Variants in SNTB1 observed in about 807,000 individuals in gnomAD.
SNTB1 encodes beta-1-syntrophin.
In SNTB1, 36 loss-of-function variants were observed where a neutral mutation model predicts 48.9. That is an observed-to-expected ratio of 0.74 (90% CI 0.56 to 0.97). SNTB1 has a LOEUF of 0.97. SNTB1 is among the 50% of genes least tolerant of loss of function. SNTB1 has a pLI of 0.00. For missense variants in SNTB1, 786 were observed against 703.4 expected (o/e 1.12, Z -1.33); for synonymous variants, 299 against 294.6 (o/e 1.01, Z -0.15).
At chr8:120,680,700 A>T (rs576577662) in intron 2 of SNTB1, among the ~76,000 whole-genome samples, 8 of 152,350 alleles carry the variant, frequency 5.3e-5, no homozygotes, top group Non-Finnish European at 1.2e-4. Flanking sequence ...TTTCAGAGGC[A>T]TCATTATCTC....
At chr8:120,624,377 T>G (rs181701356) in intron 3 of SNTB1, among the ~76,000 whole-genome samples, 3 of 152,272 alleles carry the variant, frequency 2.0e-5, no homozygotes, top group East Asian at 1.9e-4. Flanking sequence ...CAAGAGAGCA[T>G]GCACATGAGA....
At chr8:120,753,120 T>C (rs954097774) in intron 1 of SNTB1, among the ~76,000 whole-genome samples, 1 of 151,956 alleles carries the variant, frequency 6.6e-6, no homozygotes, top group Non-Finnish European at 1.5e-5. Flanking sequence ...AACATCACAG[T>C]TGGGCCATCA....
chr8:120,563,636 C>G (rs1318140166), intron 4 of SNTB1, among the ~76,000 whole-genome samples: 2 of 152,064 alleles, frequency 1.3e-5, no homozygotes, highest in Non-Finnish European at 2.9e-5. Context: ...AAAGAAAAAT[C>G]CAAGCAAAGA....
intron 1 of SNTB1, among the ~76,000 whole-genome samples, chr8:120,708,456 C>T (rs898508268): frequency 9.2e-5 from 14 of 152,008 alleles, no homozygotes; most frequent in African/African-American, 2.9e-4. Context: ...AATTATTCCA[C>T]GAAGCTAATA....
At chr8:120,641,228 A>T (rs1817190888) in intron 2 of SNTB1, among the ~76,000 whole-genome samples, 1 of 152,206 alleles carries the variant, frequency 6.6e-6, no homozygotes, top group African/African-American at 2.4e-5. Context: ...ACAAACTAGG[A>T]TTCTCAAAAG....
chr8:120,711,193 T>A (rs1245061434), intron 1 of SNTB1, among the ~76,000 whole-genome samples: 2 of 152,216 alleles, frequency 1.3e-5, no homozygotes, highest in African/African-American at 4.8e-5. Flanking sequence ...CACTTCATGA[T>A]TCATTTTGTT....
chr8:120,748,870 G>T (rs1161866235), intron 1 of SNTB1, among the ~76,000 whole-genome samples: 1 of 152,144 alleles, frequency 6.6e-6, no homozygotes, highest in Non-Finnish European at 1.5e-5. Flanking sequence ...ACAGCTGTGG[G>T]ACTTCCAGTA....
intron 6 of SNTB1, among the ~76,000 whole-genome samples, chr8:120,540,775 C>T (rs560810016): frequency 2.6e-5 from 4 of 152,242 alleles, no homozygotes; most frequent in East Asian, 3.9e-4. Context: ...GTGTCAGCCA[C>T]GAGGAATGGC....
chr8:120,566,661 T>C (rs1815753721), intron 4 of SNTB1, among the ~76,000 whole-genome samples: 1 of 152,218 alleles, frequency 6.6e-6, no homozygotes, highest in Admixed American at 6.5e-5. Flanking sequence ...CTGTAGCCTG[T>C]GTCAGAAACA....
rs997177716 is a variant in SNTB1, at chr8:120,806,098, A to C, written c.571+5175T>G. Among the ~76,000 whole-genome samples the C allele has an allele frequency of 2.6e-5, 4 of 152,244 alleles. No individual in the cohort carries two copies. The South Asian group carries it at 6.2e-4, about 24-fold the overall frequency. On this transcript the variant is annotated intron_variant, in intron 1 of 6. Transcript: ENST00000517992. ...AGTTTGCAAAAGGTTAGGCACTACA[A>C]AGTGACGAGGCAGAATTAGCATTCT...
chr8:120,624,983 C>T (rs553003413), intron 3 of SNTB1, among the ~76,000 whole-genome samples: 25 of 152,316 alleles, frequency 1.6e-4, no homozygotes, highest in African/African-American at 6.0e-4. Context: ...GTCTCAAATC[C>T]TAGGCACAGT....
intron 2 of SNTB1, among the ~76,000 whole-genome samples, chr8:120,654,409 T>C (rs761306287): frequency 6.6e-6 from 1 of 152,194 alleles, no homozygotes; most frequent in Non-Finnish European, 1.5e-5. Flanking sequence ...AACTGACCAC[T>C]GCTTGATGAA....
chr8:120,811,145 C>CCA, intron 1 of SNTB1, 128 bp downstream of exon 1: 2 of 1,043,694 alleles, frequency 1.9e-6, no homozygotes, highest in South Asian at 2.0e-5. Context: ...CCCCCCCCAA[C>CCA]ACACACACAC....
intron 1 of SNTB1, among the ~76,000 whole-genome samples, chr8:120,775,097 T>C (rs1024154136): frequency 6.6e-6 from 1 of 152,188 alleles, no homozygotes; most frequent in African/African-American, 2.4e-5. Flanking sequence ...CATAACATAC[T>C]TGTCTAAAAC....
intron 2 of SNTB1, among the ~76,000 whole-genome samples, chr8:120,635,158 C>G (rs975328853): frequency 6.6e-5 from 10 of 152,152 alleles, no homozygotes; most frequent in Non-Finnish European, 1.3e-4. Flanking sequence ...TAGGTGACAA[C>G]TGTCCTCGCG....
At chr8:120,767,257 C>A (rs1161182343) in intron 1 of SNTB1, among the ~76,000 whole-genome samples, 1 of 151,984 alleles carries the variant, frequency 6.6e-6, no homozygotes, top group African/African-American at 2.4e-5. Context: ...CTTATGTTGA[C>A]CCTTAGTATT....
rs532501678 is a variant in SNTB1, at chr8:120,632,614, C to G, written c.826G>C (p.Val276Leu). The G allele has an allele frequency of 1.4e-5, 23 of 1,614,088 alleles. No homozygotes were observed. Among genetic ancestry groups the G allele is most frequent in the Non-Finnish European group, 1.9e-5 (23 of 1,180,022 alleles). ...EIHSPDAKHT[V>L]ILRSKDSATA... ...GCTGAGTCCTTGCTCCTTAGGATCA[C>G]CGTGTGCTTAGCATCTGGAGAGTGG... The change falls in exon 3 of 7, where the codon GTG becomes CTG. Residue 276 changes from valine to leucine, a missense_variant. Val to Leu is a conservative substitution (Grantham distance 32). Coordinates refer to ENST00000517992, the MANE Select transcript of SNTB1 (RefSeq NM_021021.4).
intron 2 of SNTB1, among the ~76,000 whole-genome samples, chr8:120,656,409 C>G (rs1442602957): frequency 6.6e-6 from 1 of 152,190 alleles, no homozygotes; most frequent in Non-Finnish European, 1.5e-5. Context: ...AGCACTTTGA[C>G]CTTTCCTGGG....
chr8:120,738,911 A>T (rs987565768), intron 1 of SNTB1, among the ~76,000 whole-genome samples: 4 of 152,190 alleles, frequency 2.6e-5, no homozygotes, highest in African/African-American at 9.6e-5. Context: ...TCCAATAAAC[A>T]GTCACTAAAA....
Sources: gnomAD v4.1 joint callset for allele counts (sites outside exome capture counted in the v4.1 genomes callset) on GRCh38, gnomAD v4.1.1 for gene constraint, MANE v1.5 for transcripts, NCBI Gene and HGNC (gene_info 2026-07-23, HGNC 2026-07-21) for gene names.